MAN1A1: variants seen among roughly 807,000 people sequenced by gnomAD.
MAN1A1 encodes the protein mannosidase alpha class 1A member 1, also known as mannosyl-oligosaccharide 1,2-alpha-mannosidase IA.
MAN1A1 carries 29 observed loss-of-function variants against 70.8 expected under a neutral mutation model. That is an observed-to-expected ratio of 0.41 (90% CI 0.31 to 0.56). The LOEUF is 0.56. MAN1A1 is among the 20% of genes least tolerant of loss of function. The pLI is 0.29. For missense variants in MAN1A1, 747 were observed against 841.3 expected (o/e 0.89, Z 1.39); for synonymous variants, 349 against 330.1 (o/e 1.06, Z -0.62).
At chr6:119,319,384 A>ATCATC (rs1554215450) in intron 2 of MAN1A1, among the ~76,000 whole-genome samples, 33 of 144,280 alleles carry the variant, frequency 2.3e-4, no homozygotes, top group African/African-American at 8.4e-4. Flanking sequence ...TAATAATAAT[A>ATCATC]ATAATAATCA....
intron 5 of MAN1A1, among the ~76,000 whole-genome samples, chr6:119,260,004 T>C (rs1047457335): frequency 1.3e-5 from 2 of 152,156 alleles, no homozygotes; most frequent in Non-Finnish European, 2.9e-5. Context: ...AAAAAAGATA[T>C]TGTTCTATAT....
At chr6:119,268,917 G>T (rs891012713) in intron 5 of MAN1A1, among the ~76,000 whole-genome samples, 7 of 152,092 alleles carry the variant, frequency 4.6e-5, no homozygotes, top group African/African-American at 1.7e-4. Flanking sequence ...TGAACGAGTA[G>T]GCCATAGACA....
chr6:119,340,577 C>T (rs931947218), intron 2 of MAN1A1, among the ~76,000 whole-genome samples: 3 of 152,200 alleles, frequency 2.0e-5, no homozygotes, highest in Admixed American at 6.5e-5. Context: ...ACACCAATTA[C>T]TGCCACCCCC....
At chr6:119,200,448 A>G (rs1773686154) in intron 8 of MAN1A1, among the ~76,000 whole-genome samples, 1 of 152,182 alleles carries the variant, frequency 6.6e-6, no homozygotes, top group Admixed American at 6.5e-5. Flanking sequence ...TAAGAAAAGT[A>G]CTTCTAAAGT....
chr6:119,238,965 A>G (rs1304881298), intron 6 of MAN1A1, among the ~76,000 whole-genome samples: 2 of 151,854 alleles, frequency 1.3e-5, no homozygotes, highest in Non-Finnish European at 2.9e-5. Flanking sequence ...ATCTCGGCTC[A>G]CTGCAAGTTC....
At chr6:119,205,099 A>G (rs1431841905) in intron 6 of MAN1A1, among the ~76,000 whole-genome samples, 1 of 152,238 alleles carries the variant, frequency 6.6e-6, no homozygotes, top group Non-Finnish European at 1.5e-5. Flanking sequence ...TAATTTAGAA[A>G]AAAGCTGCTG....
At chr6:119,342,421 T>C (rs1279222195) in intron 2 of MAN1A1, among the ~76,000 whole-genome samples, 12 of 152,192 alleles carry the variant, frequency 7.9e-5, no homozygotes, top group Admixed American at 7.9e-4. Flanking sequence ...GCCCACTTCA[T>C]GTCTGATACC....
rs552723461 is a variant in MAN1A1, at chr6:119,210,916, A to G, written c.993-6034T>C. ...TATGGTAGCCTCCATAGCCCTTGGG[A>G]TATTGCACATCCACCTGTTGTAAAT... On this transcript the variant is annotated intron_variant, in intron 6 of 12. Coordinates refer to ENST00000368468, the MANE Select transcript of MAN1A1 (RefSeq NM_005907.4). The G allele has an allele frequency of 1.1e-4, 52 of 456,252 alleles. 2 individuals carry two copies. In the East Asian group the frequency reaches 3.5e-3, roughly 31 times the overall value. The allele number at this position is 456,252 out of a possible 1,614,324, so 28.3% of individuals were successfully genotyped here. A position where few individuals can be genotyped will look rare whatever the true frequency, so the allele number is the denominator to read the frequency against.
intron 11 of MAN1A1, among the ~76,000 whole-genome samples, chr6:119,186,262 G>A (rs567138455): frequency 1.3e-5 from 2 of 152,214 alleles, no homozygotes; most frequent in African/African-American, 2.4e-5. Flanking sequence ...GATATGGAGG[G>A]GAGTCTTGTC....
At chr6:119,245,561 G>A (rs1184061149) in intron 6 of MAN1A1, among the ~76,000 whole-genome samples, 1 of 152,130 alleles carries the variant, frequency 6.6e-6, no homozygotes. Flanking sequence ...GATTCAAGGA[G>A]TGTACTTGAT....
chr6:119,347,003 T>C (rs1773746390), intron 2 of MAN1A1, among the ~76,000 whole-genome samples: 1 of 152,224 alleles, frequency 6.6e-6, no homozygotes, highest in South Asian at 2.1e-4. Context: ...AGGAAACTGC[T>C]AGACAGTTGT....
At chr6:119,294,898 T>C (rs1017326744) in intron 4 of MAN1A1, among the ~76,000 whole-genome samples, 2 of 152,150 alleles carry the variant, frequency 1.3e-5, no homozygotes, top group Non-Finnish European at 2.9e-5. Flanking sequence ...TAATCTCTAT[T>C]ATTGTCTTGG....
intron 5 of MAN1A1, among the ~76,000 whole-genome samples, chr6:119,269,869 CA>C: frequency 6.6e-6 from 1 of 152,204 alleles, no homozygotes; most frequent in Middle Eastern, 3.4e-3. Context: ...CTATGCTGTC[CA>C]GGCTGGTTTT....
chr6:119,348,515 C>G lies in MAN1A1; in HGVS notation c.551G>C (p.Ser184Thr). Residue 184 changes from serine to threonine, a missense_variant, in exon 2 of 13, where the codon AGC becomes ACC. Transcript: ENST00000368468. ...VDFVPPIGVESREPADAAIRE... is the reference protein window; with the variant it reads ...VDFVPPIGVETREPADAAIRE... ...GATGGCGGCGTCGGCGGGCTCCCGG[C>G]TCTCCACCCCGATTGGGGGCACGAA... The G allele has an allele frequency of 1.2e-6, 2 of 1,611,616 alleles. No individual in the cohort carries two copies. The highest frequency in any genetic ancestry group is 1.7e-6 in the Non-Finnish European group (2 of 1,178,830).
At chr6:119,196,318 T>A (rs1285272283) in intron 8 of MAN1A1, among the ~76,000 whole-genome samples, 17 of 74,884 alleles carry the variant, frequency 2.3e-4, no homozygotes, top group African/African-American at 6.6e-4. Flanking sequence ...CTATAAAAAT[T>A]TCACATTAAA....
intron 2 of MAN1A1, among the ~76,000 whole-genome samples, chr6:119,347,224 C>T (rs1041326979): frequency 6.6e-6 from 1 of 152,138 alleles, no homozygotes; most frequent in Non-Finnish European, 1.5e-5. Context: ...AATACAAAGT[C>T]ACAAATCCCA....
At chr6:119,252,569 G>A (rs1295788828) in intron 5 of MAN1A1, among the ~76,000 whole-genome samples, 3 of 152,062 alleles carry the variant, frequency 2.0e-5, no homozygotes, top group African/African-American at 7.2e-5. Context: ...GGAGGCGGGT[G>A]GATCACGAAG....
At chr6:119,195,442 C>T (rs754515198) in intron 8 of MAN1A1, among the ~76,000 whole-genome samples, 1 of 152,190 alleles carries the variant, frequency 6.6e-6, no homozygotes, top group Non-Finnish European at 1.5e-5. Flanking sequence ...TTTAGTAGTT[C>T]TTACTCATAC....
upstream of MAN1A1, chr6:119,350,466 C>CA: frequency 1.1e-6 from 1 of 950,940 alleles, no homozygotes; most frequent in Non-Finnish European, 1.3e-6. Context: ...CCCCAAAAAA[C>CA]AAAAAACCGA....
Sources: allele counts gnomAD v4.1 joint callset (sites outside exome capture counted in the v4.1 genomes callset), GRCh38; gene constraint gnomAD v4.1.1; transcripts MANE v1.5; gene names NCBI Gene and HGNC (gene_info 2026-07-23, HGNC 2026-07-21).